DAPK1: variants seen among roughly 807,000 people sequenced by gnomAD.
The protein encoded by DAPK1 is death-associated protein kinase 1.
A neutral mutation model predicts 144.9 loss-of-function variants in DAPK1; 56 were observed. That is an observed-to-expected ratio of 0.39 (90% confidence interval 0.31 to 0.48). The LOEUF is 0.48. Ranked by LOEUF, DAPK1 falls within the 20% of genes least tolerant of loss-of-function variation. DAPK1 has a pLI of 0.95. For missense variants in DAPK1, 1,454 were observed against 1,875.4 expected (o/e 0.78, Z 4.15); for synonymous variants, 690 against 749.0 (o/e 0.92, Z 1.29).
rs78065953 is a variant in DAPK1 at position 87,595,336 on chromosome 9, T to C, written c.63-9618T>C. Among the ~76,000 whole-genome samples, 786 of 152,212 alleles carry C rather than the reference T, an allele frequency of 5.2e-3. 3 individuals carry two copies. Among genetic ancestry groups the C allele is most frequent in the African/African-American group, 0.018 (732 of 41,524 alleles). ...TTGCTTAAACTTGCTTGGCCATGAC[T>C]CCCTTTCTCCAAGCAGCATCTCTTT... is the stretch of plus-strand genomic sequence containing the variant. On this transcript the variant is annotated intron_variant, in intron 2 of 25. Coordinates refer to ENST00000408954, the MANE Select transcript of DAPK1 (RefSeq NM_004938.4).
At chr9:87,570,704 C>A (rs959501033) in intron 2 of DAPK1, among the ~76,000 whole-genome samples, 2 of 152,176 alleles carry the variant, frequency 1.3e-5, no homozygotes, top group Non-Finnish European at 1.5e-5. Context: ...TCATTCATAG[C>A]AGTGATTTAG....
chr9:87,509,819 C>T (rs917840393), intron 2 of DAPK1, among the ~76,000 whole-genome samples: 15 of 152,190 alleles, frequency 9.9e-5, no homozygotes, highest in African/African-American at 3.6e-4. Flanking sequence ...GCTCTTCTGG[C>T]GTCAGATGAT....
intron 25 of DAPK1, among the ~76,000 whole-genome samples, chr9:87,704,390 G>T (rs1462296878): frequency 1.3e-5 from 2 of 152,192 alleles, no homozygotes; most frequent in African/African-American, 4.8e-5. Flanking sequence ...TTGCCCTTGA[G>T]AGTTTAGTAA....
chr9:87,529,397 G>C (rs1825630773), intron 2 of DAPK1, among the ~76,000 whole-genome samples: 1 of 152,132 alleles, frequency 6.6e-6, no homozygotes, highest in African/African-American at 2.4e-5. Flanking sequence ...AGTTTCTAAG[G>C]TATTTCTAAC....
chr9:87,578,234 C>T (rs1408643896), intron 2 of DAPK1, among the ~76,000 whole-genome samples: 2 of 152,106 alleles, frequency 1.3e-5, no homozygotes, highest in African/African-American at 2.4e-5. Flanking sequence ...TCTATATGTC[C>T]TTTTTAATAG....
chr9:87,570,770 C>G (rs1029941410), intron 2 of DAPK1, among the ~76,000 whole-genome samples: 1 of 141,036 alleles, frequency 7.1e-6, no homozygotes, highest in African/African-American at 2.6e-5. Flanking sequence ...TGCCTGATTC[C>G]CCAGATTTCA....
chr9:87,674,381 G>T (rs1193819064), intron 19 of DAPK1, among the ~76,000 whole-genome samples: 1 of 151,914 alleles, frequency 6.6e-6, no homozygotes, highest in Non-Finnish European at 1.5e-5. Context: ...CAGAGATGGT[G>T]GTGTGTGCCT....
chr9:87,652,376 G>A (rs78069741), intron 17 of DAPK1, among the ~76,000 whole-genome samples: 57 of 39,212 alleles, frequency 1.5e-3, no homozygotes, highest in South Asian at 3.4e-3. Flanking sequence ...ACCTGATCCC[G>A]GGTCCTGATT....
chr9:87,633,793 T>C (rs1029378010), intron 3 of DAPK1, among the ~76,000 whole-genome samples: 3 of 152,236 alleles, frequency 2.0e-5, no homozygotes, highest in Non-Finnish European at 4.4e-5. Context: ...TGTTCTAGCC[T>C]TCTATGGCTA....
intron 2 of DAPK1, among the ~76,000 whole-genome samples, chr9:87,520,639 C>T (rs561955027): frequency 6.6e-6 from 1 of 152,080 alleles, no homozygotes; most frequent in Admixed American, 6.6e-5. Context: ...TTTTGACCCT[C>T]GAAGATAGGT....
chr9:87,592,153 A>G (rs1243953820), intron 2 of DAPK1, among the ~76,000 whole-genome samples: 1 of 124,072 alleles, frequency 8.1e-6, no homozygotes. Context: ...GACCATGTTG[A>G]CCCCAGCTCT....
intron 19 of DAPK1, among the ~76,000 whole-genome samples, chr9:87,677,165 CCTT>C (rs1242646927): frequency 1.3e-5 from 2 of 152,246 alleles, no homozygotes; most frequent in Non-Finnish European, 2.9e-5. Context: ...CCTCCTCCCT[CCTT>C]CTCCATTTAT....
chr9:87,595,616 G>A (rs1828286560), intron 2 of DAPK1, among the ~76,000 whole-genome samples: 1 of 152,206 alleles, frequency 6.6e-6, no homozygotes, highest in Non-Finnish European at 1.5e-5. Flanking sequence ...CCAGTGCGTG[G>A]AGCCCGACCC....
intron 2 of DAPK1, among the ~76,000 whole-genome samples, chr9:87,546,986 G>A (rs773414913): frequency 6.6e-6 from 1 of 152,038 alleles, no homozygotes; most frequent in African/African-American, 2.4e-5. Context: ...GCAAAACCCC[G>A]TCTCTACAAA....
chr9:87,638,537 G>A (rs114312751), intron 4 of DAPK1, among the ~76,000 whole-genome samples: 1,892 of 152,312 alleles, frequency 0.012, 43 homozygotes, highest in African/African-American at 0.042. Context: ...GATGCAGGAC[G>A]CTGTTGGAGA....
At chr9:87,539,032 CTAATT>C (rs1481474670) in intron 2 of DAPK1, among the ~76,000 whole-genome samples, 1 of 150,064 alleles carries the variant, frequency 6.7e-6, no homozygotes, top group African/African-American at 2.4e-5. Context: ...TAAATTAAAA[CTAATT>C]TAAGATTAAT....
chr9:87,656,314 T>TTAAGGC (rs1338388240), intron 17 of DAPK1, among the ~76,000 whole-genome samples: 1 of 152,090 alleles, frequency 6.6e-6, no homozygotes, highest in Non-Finnish European at 1.5e-5. Flanking sequence ...GACCTGGAAT[T>TTAAGGC]TAAGGCTAAG....
At chr9:87,657,467 T>C (rs1254493381) in intron 17 of DAPK1, 4 of 159,148 alleles carry the variant, frequency 2.5e-5, no homozygotes, top group Admixed American at 5.8e-5. Context: ...TGCAGTCTAA[T>C]GATGACACTC....
chr9:87,656,642 A>G (rs1304746452), intron 17 of DAPK1, among the ~76,000 whole-genome samples: 1 of 152,226 alleles, frequency 6.6e-6, no homozygotes, highest in Non-Finnish European at 1.5e-5. Context: ...CGGGAATTGG[A>G]GCTGCCTAGC....
Sources: gnomAD v4.1 joint callset for allele counts (sites outside exome capture counted in the v4.1 genomes callset) on GRCh38, gnomAD v4.1.1 for gene constraint, MANE v1.5 for transcripts, NCBI Gene and HGNC (gene_info 2026-07-23, HGNC 2026-07-21) for gene names.